The following PHF24 variants were observed in gnomAD, a reference collection of about 807,000 sequenced individuals.
PHF24 encodes PHD finger protein 24.
Under a neutral mutation model 42.6 loss-of-function variants are expected in PHF24, and 25 were observed. The ratio of observed to expected loss-of-function variants is 0.59; its 90% CI spans 0.43 to 0.82. The LOEUF is 0.82. Among genes scored for constraint, PHF24 ranks in the 40% least tolerant of loss-of-function variants. PHF24 has a pLI of 0.00. For synonymous variants in PHF24, 185 were observed against 204.8 expected (o/e 0.90, Z 0.83); for missense variants, 470 against 538.1 (o/e 0.87, Z 1.25).
the PHF24 span, chr9:34,832,308 C>A: frequency 1.6e-6 from 1 of 611,678 alleles, no homozygotes; most frequent in South Asian, 2.1e-5. Flanking sequence ...GGGTGGGTGC[C>A]CTGGTTGGGG....
the PHF24 span, among the ~76,000 whole-genome samples, chr9:34,750,951 TA>T: frequency 6.6e-6 from 1 of 151,972 alleles, no homozygotes; most frequent in Non-Finnish European, 1.5e-5. Context: ...GCTGAATCAA[TA>T]AAAAAACAAG....
chr9:34,690,423 C>CGTGTGT, the PHF24 span: 4 of 913,182 alleles, frequency 4.4e-6, no homozygotes, highest in African/African-American at 2.5e-5. Flanking sequence ...ATTGAGGACA[C>CGTGTGT]CTGTGTGTGT....
chr9:34,927,235 A>T, the PHF24 span, among the ~76,000 whole-genome samples: 5 of 152,156 alleles, frequency 3.3e-5, no homozygotes, highest in Non-Finnish European at 5.9e-5. Flanking sequence ...GACCAGAGTC[A>T]CAGCTGATCC....
chr9:34,944,129 C>A, the PHF24 span, among the ~76,000 whole-genome samples: 1 of 152,226 alleles, frequency 6.6e-6, no homozygotes, highest in Non-Finnish European at 1.5e-5. Context: ...TCACTTTCTT[C>A]AAGTCTCTAA....
the PHF24 span, among the ~76,000 whole-genome samples, chr9:34,761,404 G>A: frequency 6.6e-6 from 1 of 151,926 alleles, no homozygotes; most frequent in African/African-American, 2.4e-5. Context: ...GATACTAGGA[G>A]TACAGAAAAG....
At chr9:34,691,370 C>T in the PHF24 span, 5 of 505,070 alleles carry the variant, frequency 9.9e-6, no homozygotes, top group African/African-American at 2.0e-5. Context: ...TCCCCTGTTG[C>T]CCCCCTCTTT....
chr9:34,825,038 G>A, the PHF24 span, among the ~76,000 whole-genome samples: 3 of 152,148 alleles, frequency 2.0e-5, no homozygotes, highest in Non-Finnish European at 2.9e-5. Flanking sequence ...TTAACATAAA[G>A]TTTAGGCTAG....
At chr9:34,901,561 T>C in the PHF24 span, among the ~76,000 whole-genome samples, 1 of 152,188 alleles carries the variant, frequency 6.6e-6, no homozygotes, top group South Asian at 2.1e-4. Flanking sequence ...TTGAAGTTTG[T>C]GGGCTGTATT....
the PHF24 span, among the ~76,000 whole-genome samples, chr9:34,668,479 A>G: frequency 6.6e-6 from 1 of 152,236 alleles, no homozygotes; most frequent in Non-Finnish European, 1.5e-5. Flanking sequence ...CATGTCACAC[A>G]GGACGTAAAG....
chr9:34,724,120 A>G, the PHF24 span: 723 of 1,535,652 alleles, frequency 4.7e-4, 4 homozygotes, highest in African/African-American at 5.5e-3. Flanking sequence ...GCATGGGGAC[A>G]TGGGCTGGGT....
At chr9:34,959,251 C>A (rs1474976372) in intron 1 of PHF24, among the ~76,000 whole-genome samples, 5 of 152,052 alleles carry the variant, frequency 3.3e-5, no homozygotes, top group African/African-American at 1.2e-4. Context: ...TTTGGCAGGT[C>A]CTGGAGGGAA....
chr9:34,734,082 C>A, the PHF24 span, among the ~76,000 whole-genome samples: 22 of 152,124 alleles, frequency 1.4e-4, no homozygotes, highest in Admixed American at 1.4e-3. Flanking sequence ...GAAAAGAAAT[C>A]ACAAGACACT....
chr9:34,890,157 A>G, the PHF24 span, among the ~76,000 whole-genome samples: 1 of 152,168 alleles, frequency 6.6e-6, no homozygotes, highest in African/African-American at 2.4e-5. Flanking sequence ...CTGGAGATAT[A>G]TTTGGCAAGT....
At chr9:34,880,650 G>A in the PHF24 span, among the ~76,000 whole-genome samples, 2 of 152,176 alleles carry the variant, frequency 1.3e-5, no homozygotes, top group Admixed American at 1.3e-4. Context: ...TCAACAAGAA[G>A]AGCTAACTAT....
the PHF24 span, among the ~76,000 whole-genome samples, chr9:34,673,226 T>G: frequency 1.3e-5 from 2 of 151,992 alleles, no homozygotes; most frequent in East Asian, 1.9e-4. Context: ...CGTGGTGGCA[T>G]GTACCTGCAG....
the PHF24 span, chr9:34,922,386 T>A: frequency 1.4e-6 from 2 of 1,438,504 alleles, no homozygotes; most frequent in African/African-American, 2.8e-5. Flanking sequence ...CAGAACGTCA[T>A]AATAGAACAC....
the PHF24 span, chr9:34,690,423 CCTGTGTGTGTGT>C: frequency 2.2e-6 from 2 of 913,262 alleles, no homozygotes; most frequent in Non-Finnish European, 1.6e-6. Context: ...ATTGAGGACA[CCTGTGTGTGTGT>C]GTGTGTGTGT....
chr9:34,886,521 C>T, the PHF24 span, among the ~76,000 whole-genome samples: 12 of 152,196 alleles, frequency 7.9e-5, no homozygotes, highest in Non-Finnish European at 1.5e-5. Flanking sequence ...CCATTGGTCA[C>T]CTTCTCCTTA....
the PHF24 span, among the ~76,000 whole-genome samples, chr9:34,810,708 A>G: frequency 6.6e-6 from 1 of 152,112 alleles, no homozygotes. Context: ...ATAGGCCTAC[A>G]TGTGTCCTCA....
Sources: gnomAD v4.1 joint callset for allele counts (sites outside exome capture counted in the v4.1 genomes callset) on GRCh38, gnomAD v4.1.1 for gene constraint, MANE v1.5 for transcripts, NCBI Gene and HGNC (gene_info 2026-07-23, HGNC 2026-07-21) for gene names.